Variants in NBEA observed in about 807,000 individuals in gnomAD.
NBEA encodes the protein neurobeachin.
NBEA carries 44 observed loss-of-function variants against 343.4 expected under a neutral mutation model. That is an observed-to-expected ratio of 0.13 (90% CI 0.10 to 0.16). The LOEUF (loss-of-function observed/expected upper bound fraction) is 0.16, where lower values mean the gene tolerates loss of function less well. Among genes scored for constraint, NBEA ranks in the 10% least tolerant of loss-of-function variants. The pLI, the probability that NBEA is intolerant of heterozygous loss-of-function variation, is 1.00. For missense variants in NBEA, 2,555 were observed against 3,631.3 expected (o/e 0.70, Z 7.62); for synonymous variants, 1,175 against 1,238.7 (o/e 0.95, Z 1.08).
chr13:35,017,390 A>G (rs553233988), intron 1 of NBEA, among the ~76,000 whole-genome samples: 4 of 152,218 alleles, frequency 2.6e-5, no homozygotes, highest in Admixed American at 6.5e-5. Flanking sequence ...AAATTTGCCA[A>G]ATTGTTTTCT....
At chr13:35,609,423 A>T (rs2082409767) in intron 48 of NBEA, among the ~76,000 whole-genome samples, 1 of 152,222 alleles carries the variant, frequency 6.6e-6, no homozygotes, top group Non-Finnish European at 1.5e-5. Context: ...TTGAGAAGAA[A>T]GTTTTAGGAT....
At chr13:35,436,201 T>TA (rs1394856185) in intron 39 of NBEA, among the ~76,000 whole-genome samples, 1 of 152,234 alleles carries the variant, frequency 6.6e-6, no homozygotes, top group Non-Finnish European at 1.5e-5. Context: ...CATCTGCCGT[T>TA]AAACATTTAA....
chr13:35,337,701 C>G (rs904419521), intron 36 of NBEA, among the ~76,000 whole-genome samples: 6 of 152,034 alleles, frequency 3.9e-5, no homozygotes, highest in African/African-American at 1.2e-4. Context: ...ATGAAACATT[C>G]TGTAGGACAG....
intron 44 of NBEA, among the ~76,000 whole-genome samples, chr13:35,556,159 A>G (rs928764094): frequency 6.6e-6 from 1 of 152,028 alleles, no homozygotes; most frequent in African/African-American, 2.4e-5. Flanking sequence ...ACATACACAT[A>G]TATATCTTGA....
chr13:35,083,021 A>T (rs1321551346), intron 10 of NBEA, among the ~76,000 whole-genome samples: 1 of 152,128 alleles, frequency 6.6e-6, no homozygotes, highest in African/African-American at 2.4e-5. Context: ...GGTATTGCCT[A>T]GGTTTTCTTC....
intron 1 of NBEA, among the ~76,000 whole-genome samples, chr13:35,037,468 T>A (rs2062487079): frequency 6.6e-6 from 1 of 152,172 alleles, no homozygotes. Context: ...TAGATGTTCC[T>A]CGGTGCCTGG....
intron 8 of NBEA, among the ~76,000 whole-genome samples, chr13:35,066,821 T>G (rs1253158243): frequency 2.0e-5 from 3 of 152,096 alleles, no homozygotes; most frequent in Non-Finnish European, 4.4e-5. Context: ...TTTTGTTAGC[T>G]ATGTGTCTCA....
At chr13:35,537,186 C>T (rs2078598717) in intron 41 of NBEA, among the ~76,000 whole-genome samples, 1 of 151,988 alleles carries the variant, frequency 6.6e-6, no homozygotes, top group South Asian at 2.1e-4. Flanking sequence ...TTTTCAGCTC[C>T]AATAAACCAC....
At chr13:35,376,612 A>G (rs571784139) in intron 38 of NBEA, among the ~76,000 whole-genome samples, 35 of 152,240 alleles carry the variant, frequency 2.3e-4, no homozygotes, top group Non-Finnish European at 3.8e-4. Flanking sequence ...GTTGTCTACA[A>G]TTGCTCAAGA....
chr13:35,104,769 T>A (rs886642258), intron 11 of NBEA, among the ~76,000 whole-genome samples: 12 of 151,832 alleles, frequency 7.9e-5, no homozygotes, highest in Non-Finnish European at 1.5e-4. Flanking sequence ...CACGAAAAAA[T>A]TTTTAGGTGT....
intron 10 of NBEA, among the ~76,000 whole-genome samples, chr13:35,092,414 A>G (rs1297081799): frequency 6.6e-6 from 1 of 152,006 alleles, no homozygotes; most frequent in Non-Finnish European, 1.5e-5. Context: ...TATGCTAAAG[A>G]TGCAATGAAA....
At chr13:35,515,790 A>G (rs2077464388) in intron 41 of NBEA, among the ~76,000 whole-genome samples, 2 of 151,838 alleles carry the variant, frequency 1.3e-5, no homozygotes, top group African/African-American at 4.8e-5. Context: ...TCTTTGTTAA[A>G]TGAAGGGTGT....
chr13:35,641,907 TA>T (rs1261077227), intron 49 of NBEA, among the ~76,000 whole-genome samples: 1 of 152,134 alleles, frequency 6.6e-6, no homozygotes, highest in Non-Finnish European at 1.5e-5. Flanking sequence ...TCTTAAACCT[TA>T]AAAAATGAGT....
At chr13:35,481,102 A>AG (rs1485178634) in intron 41 of NBEA, among the ~76,000 whole-genome samples, 1 of 151,994 alleles carries the variant, frequency 6.6e-6, no homozygotes, top group African/African-American at 2.4e-5. Context: ...TGACTGATAA[A>AG]GGCCTTTGCC....
chr13:35,031,871 C>G (rs1444508057), intron 1 of NBEA, among the ~76,000 whole-genome samples: 2 of 151,636 alleles, frequency 1.3e-5, no homozygotes, highest in Non-Finnish European at 3.0e-5. Flanking sequence ...CATTATTTAG[C>G]TCCCACTTAT....
chr13:35,454,640 C>T (rs1391259571), intron 40 of NBEA, among the ~76,000 whole-genome samples: 1 of 152,096 alleles, frequency 6.6e-6, no homozygotes, highest in East Asian at 1.9e-4. Flanking sequence ...GTAGGCAGAT[C>T]ACAAGGTCAG....
chr13:35,351,494 A>G (rs971487672), intron 37 of NBEA, among the ~76,000 whole-genome samples: 18 of 152,024 alleles, frequency 1.2e-4, no homozygotes, highest in African/African-American at 4.3e-4. Flanking sequence ...GATAGCTGAC[A>G]TGACAACTGA....
At chr13:34,967,997 C>A (rs1468817571) in intron 1 of NBEA, among the ~76,000 whole-genome samples, 1 of 152,140 alleles carries the variant, frequency 6.6e-6, no homozygotes, top group East Asian at 1.9e-4. Context: ...TTCTGCTCAA[C>A]TGACCACAAA....
intron 4 of NBEA, among the ~76,000 whole-genome samples, chr13:35,045,820 C>T (rs539848501): frequency 2.2e-4 from 34 of 152,034 alleles, no homozygotes; most frequent in South Asian, 6.2e-4. Context: ...CTCTGCCTCC[C>T]GGGTTCAAGC....
Sources: allele counts gnomAD v4.1 joint callset (sites outside exome capture counted in the v4.1 genomes callset), GRCh38; gene constraint gnomAD v4.1.1; transcripts MANE v1.5; gene names NCBI Gene and HGNC (gene_info 2026-07-23, HGNC 2026-07-21).